FOXN1: variants seen among roughly 807,000 people sequenced by gnomAD.
FOXN1 encodes forkhead box protein N1.
A neutral mutation model predicts 49.0 loss-of-function variants in FOXN1; 15 were observed. That is an observed-to-expected ratio of 0.31 (90% CI 0.20 to 0.47). The LOEUF is 0.47. Ranked by LOEUF, FOXN1 falls within the 20% of genes least tolerant of loss-of-function variation. The pLI, the probability that FOXN1 is intolerant of heterozygous loss-of-function variation, is 1.00. For missense variants in FOXN1, 800 were observed against 842.8 expected, an observed-to-expected ratio of 0.95 and a Z score of 0.63; for synonymous variants, 356 against 369.0, an observed-to-expected ratio of 0.96 and a Z score of 0.40.
chr17:28,536,659 T>C (rs2070071814), intron 8 of FOXN1, among the ~76,000 whole-genome samples: 1 of 152,114 alleles, frequency 6.6e-6, no homozygotes. Context: ...TCTGCTCCCA[T>C]TCCCTGGGCC....
intron 1 of FOXN1, among the ~76,000 whole-genome samples, chr17:28,512,662 GT>G (rs2069417190): frequency 6.6e-6 from 1 of 152,204 alleles, no homozygotes; most frequent in Non-Finnish European, 1.5e-5. Flanking sequence ...GTCCAAGGGG[GT>G]TTTATGTTTT....
Position 28,537,486 on chromosome 17 carries a change from G to A in FOXN1, c.*50G>A. On this transcript the variant is annotated 3_prime_UTR_variant, in exon 9 of 9. Coordinates refer to ENST00000579795, the MANE Select transcript of FOXN1 (RefSeq NM_001369369.1). ...AGCGTTTGCCTGGTCTGGAAGTCCT[G>A]GCCGGCCGCCCACATCGGGCTCACC... 6.8e-7 allele frequency: 1 copy of A among 1,461,780 alleles called. No homozygotes were observed. The highest frequency in any genetic ancestry group is 9.6e-7 in the Non-Finnish European group (1 of 1,043,644). 90.6% of individuals were successfully genotyped at this position (1,461,780 alleles called of 1,614,324 possible). A position where few individuals can be genotyped will look rare whatever the true frequency, so the allele number is the denominator to read the frequency against.
intron 6 of FOXN1, among the ~76,000 whole-genome samples, chr17:28,533,485 A>ACCC (rs3837849): frequency 0.046 from 5,821 of 125,748 alleles, 413 homozygotes; most frequent in African/African-American, 0.11. Context: ...TGGCACGAGC[A>ACCC]CCCCCCCCCA....
intron 1 of FOXN1, among the ~76,000 whole-genome samples, chr17:28,514,879 A>G (rs2069463858): frequency 6.6e-6 from 1 of 152,058 alleles, no homozygotes; most frequent in African/African-American, 2.4e-5. Context: ...GAAACCTCCA[A>G]CGTCGCCCCC....
intron 1 of FOXN1, among the ~76,000 whole-genome samples, chr17:28,513,374 G>T (rs980781528): frequency 1.3e-5 from 2 of 152,068 alleles, no homozygotes; most frequent in African/African-American, 4.8e-5. Flanking sequence ...GATACTCACA[G>T]AAATAAAAAT....
At position 28,516,329 on chromosome 17, in the gene FOXN1, G is replaced by A. The variant is rs145621277; in HGVS notation, c.-14-7627G>A. Reference sequence around the variant, plus strand: ...GCCACAGGATCCACACCTCCACAAGGTACACACCTCCACAGGTTACACACC... The same window carrying A: ...GCCACAGGATCCACACCTCCACAAGATACACACCTCCACAGGTTACACACC... On this transcript the variant is annotated intron_variant, in intron 1 of 8. Coordinates refer to ENST00000579795, the MANE Select transcript of FOXN1 (RefSeq NM_001369369.1). Among the ~76,000 whole-genome samples, 255 of 146,074 alleles carry A rather than the reference G, an allele frequency of 1.7e-3. No homozygotes were observed. In the Middle Eastern group the frequency reaches 0.02, roughly 11 times the overall value.
Position 28,514,713 on chromosome 17 carries a change from C to G in FOXN1, c.-15+8270C>G, listed in dbSNP as rs185140212. ...AGAAACCATTAAGGTGGAACTGAGCCGTCCCCACCTCACTCATAAAGAGTG... is the reference window on the plus strand; with the variant it reads ...AGAAACCATTAAGGTGGAACTGAGCGGTCCCCACCTCACTCATAAAGAGTG... On this transcript the variant is annotated intron_variant, in intron 1 of 8. Transcript: ENST00000579795. Among the ~76,000 whole-genome samples, 175 of 152,254 alleles carry G rather than the reference C, an allele frequency of 1.1e-3. 2 individuals are homozygous for G. Among genetic ancestry groups the G allele is most frequent in the African/African-American group, 4.0e-3 (167 of 41,550 alleles).
chr17:28,508,053 C>A (rs2069302980), intron 1 of FOXN1, among the ~76,000 whole-genome samples: 1 of 152,184 alleles, frequency 6.6e-6, no homozygotes. Flanking sequence ...GCGAGCTCAG[C>A]TCCCGGCTCC....
Position 28,534,932 on chromosome 17 carries a change from C to T in FOXN1, c.1361C>T (p.Thr454Ile). The change falls in exon 8 of 9, where the codon ACA becomes ATA. Residue 454 changes from threonine (T) to isoleucine (I), a missense_variant. Thr to Ile is a moderately conservative substitution (Grantham distance 89). Coordinates refer to ENST00000579795, the MANE Select transcript of FOXN1 (RefSeq NM_001369369.1). The surrounding 1 kb of genome is among the most constrained non-coding windows in gnomAD (Gnocchi z 4.1). ...CACACACCCTCCTGCTATGGGCAGA[C>T]ATACTTGCACCTCTCACCAGGCCTG... ...MGHTPSCYGQ[T>I]YLHLSPGLAP... The T allele has an allele frequency of 6.2e-7, 1 of 1,614,128 alleles. No individual in the cohort carries two copies.
Position 28,524,570 on chromosome 17 carries a change from C to T in FOXN1, c.191C>T (p.Pro64Leu). Residue 64 changes from proline to leucine, a missense_variant, in exon 3 of 9, where the codon CCC becomes CTC. Physicochemically the swap from Pro to Leu is moderately conservative, Grantham distance 98 (BLOSUM62 -3). Transcript: ENST00000579795. The part of the protein sequence containing the change: ...DGPPERTPSL[P>L]PHSPRIASPG... ...CCTCCAGAGAGGACACCCTCACTGC[C>T]CCCACACAGCCCCCGCATTGCGTCA... 1 of 1,613,644 alleles carries T rather than the reference C, an allele frequency of 6.2e-7. No individual in the cohort carries two copies. Among genetic ancestry groups the T allele is most frequent in the Non-Finnish European group, 8.5e-7 (1 of 1,179,964 alleles).
chr17:28,517,314 TACACACCTCCACAGGG>T (rs1283184224), intron 1 of FOXN1, among the ~76,000 whole-genome samples: 1 of 135,794 alleles, frequency 7.4e-6, no homozygotes, highest in Non-Finnish European at 1.5e-5. Flanking sequence ...CTCCACAAGA[TACACACCTCCACAGGG>T]ACACACCTCC....
rs750511599 is a variant in FOXN1 at position 28,519,665 on chromosome 17, G to C, written c.-14-4291G>C. Reference sequence around the variant, plus strand: ...TGAAAGATCCCTTCTGAATGCAGATGTCAGCCCCAGGACACTGGGGCCAGC... The same window carrying C: ...TGAAAGATCCCTTCTGAATGCAGATCTCAGCCCCAGGACACTGGGGCCAGC... On this transcript the variant is annotated intron_variant, in intron 1 of 8. Transcript: ENST00000579795. Among the ~76,000 whole-genome samples the C allele has an allele frequency of 7.2e-5, 11 of 152,196 alleles. 1 individual carries two copies. Among genetic ancestry groups the C allele is most frequent in the Non-Finnish European group, 1.2e-4 (8 of 68,036 alleles).
Position 28,524,521 on chromosome 17 carries a change from T to A in FOXN1, c.142T>A (p.Cys48Ser). 6.2e-7 allele frequency: 1 copy of A among 1,613,772 alleles called. No homozygotes were observed. The highest frequency in any genetic ancestry group is 1.7e-5 in the Admixed American group (1 of 60,030). Residue 48 changes from cysteine to serine, a missense_variant, in exon 3 of 9, where the codon TGC (cysteine) becomes AGC (serine). Cys to Ser is a moderately radical substitution (Grantham distance 112). This residue lies in a region of FOXN1 where 383 missense variants were observed against 357.9 expected (regional missense o/e 1.07). Transcript: ENST00000579795. ...APQSKHAGFS[C>S]SSFVSDGPPE... ...TACCCAGAAGCATGCCGGCTTCAGCTGCTCGTCATTTGTGTCCGACGGCCC... is the reference window on the plus strand; with the variant it reads ...TACCCAGAAGCATGCCGGCTTCAGCAGCTCGTCATTTGTGTCCGACGGCCC...
intron 1 of FOXN1, among the ~76,000 whole-genome samples, chr17:28,511,868 G>C (rs550639684): frequency 1.7e-4 from 26 of 152,220 alleles, no homozygotes; most frequent in South Asian, 4.1e-4. Flanking sequence ...GCCAGGTTAC[G>C]GGGGAGGTGA....
At chr17:28,517,008 A>G (rs1227495156) in intron 1 of FOXN1, among the ~76,000 whole-genome samples, 1 of 38,060 alleles carries the variant, frequency 2.6e-5, no homozygotes, top group Non-Finnish European at 7.4e-5. Flanking sequence ...CCTCCACAGG[A>G]TCCATACCAT....
chr17:28,525,015 T>C (rs2069736501), intron 3 of FOXN1, 48 bp downstream of exon 3: 1 of 1,417,902 alleles, frequency 7.1e-7, no homozygotes, highest in Non-Finnish European at 9.8e-7. Context: ...CTGTCCCAGT[T>C]CCTAGCAGCC....
At chr17:28,531,255 G>A (rs867856875) in intron 6 of FOXN1, among the ~76,000 whole-genome samples, 8 of 152,202 alleles carry the variant, frequency 5.3e-5, no homozygotes, top group African/African-American at 1.4e-4. Context: ...TGACTGGGAG[G>A]TCGGGGCTGA....
In FOXN1 at chr17:28,535,081, A is replaced by G; in HGVS notation, c.1510A>G (p.Lys504Glu). 1 of 1,608,702 alleles carries G rather than the reference A, an allele frequency of 6.2e-7. No individual in the cohort carries two copies. Among genetic ancestry groups the G allele is most frequent in the South Asian group, 1.1e-5 (1 of 90,628 alleles). Reference sequence around the variant, plus strand: ...CCACACCCCACCCAGCCACAGTGCCAAGCTACTGGCCGAGCCTTCCCCAGC... The same window carrying G: ...CCACACCCCACCCAGCCACAGTGCCGAGCTACTGGCCGAGCCTTCCCCAGC... ...PAHTPPSHSA[K>E]LLAEPSPART... is the part of the protein sequence containing the mutation. Residue 504 changes from lysine (K) to glutamate (E), a missense_variant, in exon 8 of 9, where the codon AAG becomes GAG. Physicochemically the swap from Lys to Glu is moderately conservative, Grantham distance 56. Around this residue, in one of 3 missense-constraint regions of FOXN1, gnomAD observed 344 missense variants for 366.1 expected, o/e 0.94. Coordinates refer to ENST00000579795, the MANE Select transcript of FOXN1 (RefSeq NM_001369369.1).
Position 28,537,118 on chromosome 17 carries a change from A to G in FOXN1, c.1629A>G (p.Gly543=), listed in dbSNP as rs973520037. ...NPSLTDFDFQ[G]NLWEQLKDDS... The stretch of plus-strand genomic sequence containing the variant: ...CCTGTTCTCTCCTTCCCCATCTAGG[A>G]AACCTGTGGGAACAGTTGAAGGATG... Residue 543 remains glycine, a splice_region_variant and synonymous_variant, in exon 9 of 9, where the codon GGA becomes GGG. Transcript: ENST00000579795. The G allele has an allele frequency of 1.9e-6, 3 of 1,613,596 alleles. No homozygotes were observed. In the African/African-American group the frequency reaches 4.0e-5, roughly 22 times the overall value.
Sources: gnomAD v4.1 joint callset for allele counts (sites outside exome capture counted in the v4.1 genomes callset) on GRCh38, gnomAD v4.1.1 for gene constraint, gnomAD v4.1.1 regional missense constraint, Gnocchi (gnomAD v3.1) non-coding constraint, MANE v1.5 for transcripts, NCBI Gene and HGNC (gene_info 2026-07-23, HGNC 2026-07-21) for gene names.